Variants in KDM5B observed in about 807,000 individuals in gnomAD.
KDM5B encodes the protein lysine-specific demethylase 5B.
KDM5B carries 144 observed loss-of-function variants against 193.4 expected under a neutral mutation model. The observed-to-expected ratio is 0.74, with a 90% confidence interval of 0.65 to 0.86. KDM5B has a LOEUF of 0.86. Ranked by LOEUF, KDM5B falls within the 40% of genes least tolerant of loss-of-function variation. The probability of loss-of-function intolerance (pLI) is 0.00; values close to 1 mark genes in which losing one functional copy is unlikely to be tolerated. For synonymous variants in KDM5B, 668 were observed against 682.6 expected (o/e 0.98, Z 0.33); for missense variants, 1,833 against 1,886.9 (o/e 0.97, Z 0.53).
chr1:202,754,424 A>C (rs774203617), intron 11 of KDM5B, among the ~76,000 whole-genome samples: 20 of 152,196 alleles, frequency 1.3e-4, no homozygotes, highest in Non-Finnish European at 2.5e-4. Context: ...AAAAGTAAAG[A>C]AGCCCAAATA....
At chr1:202,771,937 A>G (rs1483698335) in intron 4 of KDM5B, among the ~76,000 whole-genome samples, 1 of 152,164 alleles carries the variant, frequency 6.6e-6, no homozygotes, top group African/African-American at 2.4e-5. Context: ...CATATAATGT[A>G]TTAAAAAAAA....
Position 202,743,185 on chromosome 1 carries a change from A to G in KDM5B, c.2324-380T>C, listed in dbSNP as rs531174772. Reference sequence around the variant, plus strand: ...AGATCTCCTCTCTACAAAATTAAAGAACTTAGCCAGCCATGGTGGCACACA... The same window carrying G: ...AGATCTCCTCTCTACAAAATTAAAGGACTTAGCCAGCCATGGTGGCACACA... On this transcript the variant is annotated intron_variant, in intron 16 of 26. Coordinates refer to ENST00000367265, the MANE Select transcript of KDM5B (RefSeq NM_006618.5). Among the ~76,000 whole-genome samples, 5 of 152,178 alleles carry G rather than the reference A, an allele frequency of 3.3e-5. No individual in the cohort carries two copies. In the East Asian group the frequency reaches 9.6e-4, roughly 29 times the overall value.
At chr1:202,756,577 C>T (rs1656021444) in intron 9 of KDM5B, 61 bp from the exon 10 acceptor site, 2 of 1,314,384 alleles carry the variant, frequency 1.5e-6, no homozygotes, top group Admixed American at 4.8e-5. Context: ...ACCAATTAAG[C>T]TCAGTGATGG....
intron 1 of KDM5B, among the ~76,000 whole-genome samples, chr1:202,795,348 C>A (rs1383240751): frequency 1.3e-5 from 2 of 152,020 alleles, no homozygotes; most frequent in Non-Finnish European, 2.9e-5. Context: ...TTCCTTTCTG[C>A]AGATAAGAGG....
At chr1:202,744,516 C>A (rs1295614596) in intron 16 of KDM5B, among the ~76,000 whole-genome samples, 1 of 152,140 alleles carries the variant, frequency 6.6e-6, no homozygotes, top group Non-Finnish European at 1.5e-5. Flanking sequence ...CGAGATCGCA[C>A]CACTGCACTC....
At chr1:202,736,141 T>C (rs1655084540) in intron 21 of KDM5B, 72 bp downstream of exon 21, 15 of 1,060,608 alleles carry the variant, frequency 1.4e-5, no homozygotes, top group Non-Finnish European at 2.0e-5. Flanking sequence ...GTCATCTTTG[T>C]ATGTGATGAA....
At chr1:202,758,037 C>T (rs1017454115) in intron 9 of KDM5B, among the ~76,000 whole-genome samples, 1 of 152,078 alleles carries the variant, frequency 6.6e-6, no homozygotes, top group African/African-American at 2.4e-5. Flanking sequence ...CAAATGTGTT[C>T]CCAATGCATA....
At chr1:202,742,594 A>T in intron 17 of KDM5B, 61 bp downstream of exon 17, 1 of 1,607,984 alleles carries the variant, frequency 6.2e-7, no homozygotes, top group Non-Finnish European at 8.5e-7. Context: ...GACAGGAGTC[A>T]CAACAGGTTT....
intron 23 of KDM5B, among the ~76,000 whole-genome samples, chr1:202,732,891 G>T (rs1420840101): frequency 6.6e-6 from 1 of 152,186 alleles, no homozygotes; most frequent in South Asian, 2.1e-4. Flanking sequence ...GCTTTTGGCA[G>T]AAAGATCGCA....
At chr1:202,768,438 T>C (rs1656565524) in intron 4 of KDM5B, among the ~76,000 whole-genome samples, 2 of 152,192 alleles carry the variant, frequency 1.3e-5, no homozygotes, top group Non-Finnish European at 1.5e-5. Context: ...ACTATGAGCA[T>C]AGTTACTACC....
At chr1:202,775,257 A>G (rs944065136) in intron 2 of KDM5B, among the ~76,000 whole-genome samples, 4 of 142,748 alleles carry the variant, frequency 2.8e-5, no homozygotes, top group Admixed American at 7.0e-5. Flanking sequence ...TAATTATACG[A>G]CTGGGTGCAG....
rs532520151 is a variant in KDM5B at position 202,782,614 on chromosome 1, CAAAT to C, written c.205-5524_205-5521del. Among the ~76,000 whole-genome samples the C allele has an allele frequency of 6.6e-5, 10 of 152,230 alleles. No homozygotes were observed. The East Asian group carries it at 1.7e-3, about 26-fold the overall frequency. ...AAAAATAATCCTCAAATTATGTAGT[CAAAT>C]AAATAATCCAAATCCCCACTTAGAA... On this transcript the variant is annotated intron_variant, in intron 1 of 26. Coordinates refer to ENST00000367265, the MANE Select transcript of KDM5B (RefSeq NM_006618.5).
chr1:202,786,871 A>AC (rs779448268), intron 1 of KDM5B, among the ~76,000 whole-genome samples: 26 of 151,870 alleles, frequency 1.7e-4, no homozygotes, highest in Non-Finnish European at 2.8e-4. Flanking sequence ...ACATGCAGAA[A>AC]CCCCGTCTTT....
intron 1 of KDM5B, among the ~76,000 whole-genome samples, chr1:202,782,320 A>C (rs1242812558): frequency 6.6e-6 from 1 of 152,220 alleles, no homozygotes; most frequent in Non-Finnish European, 1.5e-5. Flanking sequence ...TACGGAACTA[A>C]AATACCTTTG....
chr1:202,729,507 C>G (rs1485967631), intron 26 of KDM5B, 200 bp downstream of exon 26: 1 of 604,870 alleles, frequency 1.7e-6, no homozygotes, highest in Non-Finnish European at 2.9e-6. Flanking sequence ...AAGGGAAGAA[C>G]AAGAGTTTCT....
intron 8 of KDM5B, among the ~76,000 whole-genome samples, chr1:202,760,210 G>C (rs903219569): frequency 1.2e-4 from 19 of 152,186 alleles, no homozygotes; most frequent in African/African-American, 4.1e-4. Flanking sequence ...GCTACGTGGG[G>C]GGGGCTGAGG....
Position 202,733,694 on chromosome 1 carries a change from C to T in KDM5B, c.3616G>A (p.Val1206Ile). 6.2e-7 allele frequency: 1 copy of T among 1,614,108 alleles called. No homozygotes were observed. The highest frequency in any genetic ancestry group is 8.5e-7 in the Non-Finnish European group (1 of 1,179,998). Residue 1206 changes from valine to isoleucine, a missense_variant, in exon 23 of 27, where the codon GTA (valine) becomes ATA (isoleucine). Transcript: ENST00000367265. ...RDAFHTSCVA[V>I]PSISQGLRIW... ...CGCAGGCCCTGTGAAATACTGGGTA[C>T]CGCCACACAACTGGTGTGGAAAGCA... is the stretch of plus-strand genomic sequence containing the variant.
At chr1:202,740,483 G>A (rs1452654618) in intron 20 of KDM5B, among the ~76,000 whole-genome samples, 191 bp downstream of exon 20, 5 of 141,474 alleles carry the variant, frequency 3.5e-5, no homozygotes, top group Admixed American at 7.0e-5. Context: ...CCTCCCGGAC[G>A]GGGCGGCTGG....
intron 8 of KDM5B, among the ~76,000 whole-genome samples, chr1:202,760,126 C>A (rs1009885485): frequency 6.6e-6 from 1 of 151,980 alleles, no homozygotes; most frequent in Non-Finnish European, 1.5e-5. Flanking sequence ...CAGCCCTGGG[C>A]AACATGGTGA....
Sources: gnomAD v4.1 joint callset for allele counts (sites outside exome capture counted in the v4.1 genomes callset) on GRCh38, gnomAD v4.1.1 for gene constraint, MANE v1.5 for transcripts, NCBI Gene and HGNC (gene_info 2026-07-23, HGNC 2026-07-21) for gene names.